FYCO1: variants seen among roughly 807,000 people sequenced by gnomAD.
FYCO1 encodes FYVE and coiled-coil domain-containing protein 1.
In FYCO1, 122 loss-of-function variants were observed where a neutral mutation model predicts 165.1. The observed-to-expected ratio is 0.74, with a 90% CI of 0.64 to 0.86. FYCO1 has a LOEUF of 0.86. Among genes scored for constraint, FYCO1 ranks in the 40% least tolerant of loss-of-function variants. The pLI is 0.00. For synonymous variants in FYCO1, 648 were observed against 742.5 expected, an observed-to-expected ratio of 0.87 and a Z score of 2.07; for missense variants, 1,702 against 1,810.3, an observed-to-expected ratio of 0.94 and a Z score of 1.09.
chr3:45,984,582 A>G, intron 2 of FYCO1: 1 of 578,814 alleles, frequency 1.7e-6, no homozygotes, highest in Admixed American at 2.8e-5. Flanking sequence ...ACATGTGTGC[A>G]CTAATGGAAA....
intron 15 of FYCO1, among the ~76,000 whole-genome samples, chr3:45,933,493 T>C (rs1575331459): frequency 6.6e-6 from 1 of 152,206 alleles, no homozygotes; most frequent in Non-Finnish European, 1.5e-5. Context: ...TATTTCTAAA[T>C]CTCATAACTT....
intron 1 of FYCO1, 102 bp downstream of exon 1, chr3:45,995,620 G>A (rs1384143887): frequency 6.5e-6 from 1 of 152,728 alleles, no homozygotes; most frequent in African/African-American, 2.4e-5. Flanking sequence ...GGGACTGTAA[G>A]GGCAACAGGT....
At chr3:45,957,951 C>T (rs994987944) in intron 13 of FYCO1, among the ~76,000 whole-genome samples, 1 of 152,268 alleles carries the variant, frequency 6.6e-6, no homozygotes, top group Non-Finnish European at 1.5e-5. Flanking sequence ...CCAAACTCTA[C>T]TTCCTTCACT....
In FYCO1 at chr3:45,962,325, C is replaced by G; in HGVS notation, c.3337G>C (p.Val1113Leu). ...QEYYNKLCQE[V>L]TNRERNDQKM... ...TGGTCATTCCTCTCACGATTTGTCA[C>G]CTCCTGGCAGAGTTTGTTGTAATAC... The change falls in exon 11 of 18, where the codon GTG becomes CTG. Residue 1113 changes from valine (V) to leucine (L), a missense_variant. Val to Leu is a conservative substitution (Grantham distance 32, BLOSUM62 1). Coordinates refer to ENST00000296137, the MANE Select transcript of FYCO1 (RefSeq NM_024513.4). The surrounding 1 kb of genome is among the most constrained non-coding windows in gnomAD (Gnocchi z 4.4). 1 of 1,614,162 alleles carries G rather than the reference C, an allele frequency of 6.2e-7. No individual in the cohort carries two copies. The highest frequency in any genetic ancestry group is 8.5e-7 in the Non-Finnish European group (1 of 1,180,016).
chr3:45,984,346 G>A (rs1184493713), intron 2 of FYCO1, among the ~76,000 whole-genome samples: 4 of 152,206 alleles, frequency 2.6e-5, no homozygotes, highest in Non-Finnish European at 2.9e-5. Flanking sequence ...AGTGGACAAC[G>A]CTGAGCTCAG....
In FYCO1 at chr3:45,984,715, T is replaced by C; in HGVS notation, c.55+141A>G. 4 of 812,412 alleles carry C rather than the reference T, an allele frequency of 4.9e-6. No homozygotes were observed. In the Admixed American group the frequency reaches 9.4e-5, roughly 19 times the overall value. 50.3% of individuals were successfully genotyped at this position (812,412 alleles called of 1,614,324 possible). On this transcript the variant is annotated intron_variant, in intron 2 of 17. Transcript: ENST00000296137. Reference sequence around the variant, plus strand: ...AGGTGGATATTTGAGACCCAAATATTTCAATATGATGTGACCTGAGGACTC... The same window carrying C: ...AGGTGGATATTTGAGACCCAAATATCTCAATATGATGTGACCTGAGGACTC...
At chr3:45,985,851 A>C (rs1430034137) in intron 1 of FYCO1, among the ~76,000 whole-genome samples, 2 of 152,238 alleles carry the variant, frequency 1.3e-5, no homozygotes, top group Admixed American at 6.5e-5. Flanking sequence ...AGGTCTGGAC[A>C]TGCATCTGGA....
rs149818737 is a variant in FYCO1 at position 45,966,528 on chromosome 3, C to T, written c.2806G>A (p.Ala936Thr). 5.0e-4 allele frequency: 810 copies of T among 1,613,264 alleles called. 2 individuals carry two copies. The African/African-American group carries it at 9.6e-3, about 19-fold the overall frequency. Reference sequence around the variant, plus strand: ...CGCTCCCTTGAGGCTGCCTCTTTGGCGTCCTGGAGCTCCTGGACAGCACAG... The same window carrying T: ...CGCTCCCTTGAGGCTGCCTCTTTGGTGTCCTGGAGCTCCTGGACAGCACAG... ...LACAVQELQD[A>T]KEAASREREG... Residue 936 changes from alanine (A) to threonine (T), a missense_variant, in exon 8 of 18, where the codon GCC becomes ACC. Ala to Thr is a moderately conservative substitution (Grantham distance 58, BLOSUM62 0). Transcript: ENST00000296137.
intron 16 of FYCO1, among the ~76,000 whole-genome samples, chr3:45,924,608 A>AT (rs1245623186): frequency 4.7e-5 from 7 of 150,388 alleles, no homozygotes; most frequent in South Asian, 4.2e-4. Flanking sequence ...GCCAGTCAAC[A>AT]TTTTTTTTTC....
At chr3:45,951,529 C>G (rs932087213) in intron 14 of FYCO1, among the ~76,000 whole-genome samples, 2 of 152,194 alleles carry the variant, frequency 1.3e-5, no homozygotes, top group Non-Finnish European at 2.9e-5. Flanking sequence ...CAGCCCAGTG[C>G]CCCTGCCAGC....
chr3:45,940,694 C>T (rs1704172973), intron 14 of FYCO1, among the ~76,000 whole-genome samples: 1 of 152,272 alleles, frequency 6.6e-6, no homozygotes, highest in Non-Finnish European at 1.5e-5. Flanking sequence ...TCCATTTGTT[C>T]CTGCTCTAAA....
chr3:45,966,245 G>C, intron 8 of FYCO1, 32 bp downstream of exon 8: 1 of 1,608,522 alleles, frequency 6.2e-7, no homozygotes, highest in Non-Finnish European at 8.5e-7. Context: ...CAGGGAGAGG[G>C]GTAGAGCCCA....
At chr3:45,937,378 G>A (rs1449640234) in intron 14 of FYCO1, among the ~76,000 whole-genome samples, 1 of 152,238 alleles carries the variant, frequency 6.6e-6, no homozygotes, top group Non-Finnish European at 1.5e-5. Context: ...AGCAAGTGGG[G>A]CTCCCTCTAG....
At chr3:45,946,624 G>A in intron 14 of FYCO1, 1 of 1,614,162 alleles carries the variant, frequency 6.2e-7, no homozygotes, top group Non-Finnish European at 8.5e-7. Flanking sequence ...GGTCTGGTGG[G>A]GAACTCTCTG....
chr3:45,929,144 C>T (rs1184794169), intron 16 of FYCO1, among the ~76,000 whole-genome samples: 1 of 152,218 alleles, frequency 6.6e-6, no homozygotes, highest in African/African-American at 2.4e-5. Flanking sequence ...GGACCTCAGG[C>T]AGAGATAACA....
chr3:45,921,749 T>G lies in FYCO1; in HGVS notation c.*16A>C. The G allele has an allele frequency of 6.5e-7, 1 of 1,550,218 alleles. No individual in the cohort carries two copies. Among genetic ancestry groups the G allele is most frequent in the Non-Finnish European group, 8.9e-7 (1 of 1,121,704 alleles). ...GTGTTTCCTGTGGATGAAGTGAAGT[T>G]ACTGAGGTGCTGAAGCTACAGGAAA... On this transcript the variant is annotated 3_prime_UTR_variant, in exon 18 of 18. Coordinates refer to ENST00000296137, the MANE Select transcript of FYCO1 (RefSeq NM_024513.4).
In FYCO1 at chr3:45,987,556, C is replaced by T. The variant is rs538296109; in HGVS notation, c.-112-2534G>A. Among the ~76,000 whole-genome samples the T allele has an allele frequency of 2.6e-5, 4 of 152,324 alleles. No individual in the cohort carries two copies. In the East Asian group the frequency reaches 7.7e-4, roughly 29 times the overall value. ...AAAAGGATGCTGGGACGGAGGCACA[C>T]AAGAGTAAAGGCTGTTTCTCTAACT... On this transcript the variant is annotated intron_variant, in intron 1 of 17. Coordinates refer to ENST00000296137, the MANE Select transcript of FYCO1 (RefSeq NM_024513.4).
chr3:45,986,419 C>A (rs1201111874), intron 1 of FYCO1, among the ~76,000 whole-genome samples: 1 of 152,212 alleles, frequency 6.6e-6, no homozygotes, highest in Non-Finnish European at 1.5e-5. Context: ...ATGGAAACCA[C>A]CCCAGCCACA....
chr3:45,931,409 C>A lies in FYCO1; in HGVS notation c.4041-128G>T, dbSNP rs1466530636. 6 of 826,192 alleles carry A rather than the reference C, an allele frequency of 7.3e-6. No homozygotes were observed. The African/African-American group carries it at 1.0e-4, about 14-fold the overall frequency. 51.2% of individuals were successfully genotyped at this position (826,192 alleles called of 1,614,324 possible). Reference sequence around the variant, plus strand: ...TCTTGAGAGGACAAGCCCTGGGTAACCTTGGCCAACATGCTTAATTATGGG... The same window carrying A: ...TCTTGAGAGGACAAGCCCTGGGTAAACTTGGCCAACATGCTTAATTATGGG... On this transcript the variant is annotated intron_variant, in intron 15 of 17. Coordinates refer to ENST00000296137, the MANE Select transcript of FYCO1 (RefSeq NM_024513.4).
Sources: allele counts gnomAD v4.1 joint callset (sites outside exome capture counted in the v4.1 genomes callset), GRCh38; gene constraint gnomAD v4.1.1; non-coding constraint Gnocchi (gnomAD v3.1); transcripts MANE v1.5; gene names NCBI Gene and HGNC (gene_info 2026-07-23, HGNC 2026-07-21).